ZDHHC15: variants seen among roughly 807,000 people sequenced by gnomAD.
ZDHHC15 encodes the protein zDHHC palmitoyltransferase 15, also known as palmitoyltransferase ZDHHC15.
ZDHHC15 carries 19 observed loss-of-function variants against 31.7 expected under a neutral mutation model. The observed-to-expected ratio is 0.60, with a 90% CI of 0.42 to 0.88. ZDHHC15 has a LOEUF of 0.88. ZDHHC15 is among the 40% of genes least tolerant of loss of function. The probability of loss-of-function intolerance (pLI) is 0.00; values close to 1 mark genes in which losing one functional copy is unlikely to be tolerated. For missense variants in ZDHHC15, 209 were observed against 251.2 expected (o/e 0.83, Z 1.14); for synonymous variants, 103 against 90.0 (o/e 1.14, Z -0.82).
chrX:75,420,664 T>C (rs5938064), intron 9 of ZDHHC15, among the ~76,000 whole-genome samples: 3,672 of 110,875 alleles, frequency 0.033, 70 homozygotes, highest in Middle Eastern at 0.098. Flanking sequence ...GGGACATGGA[T>C]GAAGCTAGAA....
chrX:75,444,414 A>C (rs2147893759), intron 4 of ZDHHC15, among the ~76,000 whole-genome samples: 1 of 93,079 alleles, frequency 1.1e-5, no homozygotes, highest in Non-Finnish European at 2.1e-5. Flanking sequence ...TGGGAATTGA[A>C]TAGTGAGAAC....
At chrX:75,413,473 C>A (rs892909783) in intron 10 of ZDHHC15, among the ~76,000 whole-genome samples, 2 of 111,162 alleles carry the variant, frequency 1.8e-5, no homozygotes, top group African/African-American at 6.5e-5. Flanking sequence ...TCAAGACCAG[C>A]TGGCCAGCAT....
chrX:75,389,244 C>A (rs1034017933), intron 10 of ZDHHC15, among the ~76,000 whole-genome samples: 2 of 111,601 alleles, frequency 1.8e-5, no homozygotes, highest in Admixed American at 9.5e-5. Flanking sequence ...CAAGCTGAGG[C>A]TCTGGGGTCC....
chrX:75,437,176 A>C (rs1001973531), intron 4 of ZDHHC15, among the ~76,000 whole-genome samples: 2 of 111,199 alleles, frequency 1.8e-5, no homozygotes, highest in African/African-American at 6.5e-5. Context: ...CCACCGCGCC[A>C]AGCCCCTGTA....
At chrX:75,417,921 C>G (rs2083566653) in intron 9 of ZDHHC15, among the ~76,000 whole-genome samples, 1 of 111,891 alleles carries the variant, frequency 8.9e-6, no homozygotes, top group African/African-American at 3.2e-5. Context: ...TTTGATGTTA[C>G]CTATGCCTTT....
At chrX:75,411,364 C>T (rs1368944061) in intron 10 of ZDHHC15, among the ~76,000 whole-genome samples, 1 of 111,039 alleles carries the variant, frequency 9.0e-6, no homozygotes, top group African/African-American at 3.3e-5. Flanking sequence ...AGGTGCCCAC[C>T]GCCACGCCCG....
At chrX:75,429,440 T>C (rs1256638041) in intron 6 of ZDHHC15, among the ~76,000 whole-genome samples, 1 of 111,740 alleles carries the variant, frequency 8.9e-6, no homozygotes, top group Non-Finnish European at 1.9e-5. Context: ...AGCTCTGGAC[T>C]GGTTCGTGAC....
chrX:75,481,417 T>A (rs922942117), intron 2 of ZDHHC15, among the ~76,000 whole-genome samples: 4 of 111,810 alleles, frequency 3.6e-5, no homozygotes, highest in Admixed American at 9.6e-5. Context: ...TGTGGGACTT[T>A]AACTTGTTCC....
chrX:75,462,088 T>C (rs1307197844), intron 3 of ZDHHC15, among the ~76,000 whole-genome samples: 2 of 111,861 alleles, frequency 1.8e-5, no homozygotes, highest in East Asian at 5.6e-4. Context: ...GAGGAAAATT[T>C]ATCAAACAAA....
intron 3 of ZDHHC15, among the ~76,000 whole-genome samples, chrX:75,451,741 G>T (rs2084121600): frequency 9.0e-6 from 1 of 111,239 alleles, no homozygotes; most frequent in Non-Finnish European, 1.9e-5. Context: ...TCATAATATT[G>T]GTGCAGAAGT....
intron 2 of ZDHHC15, among the ~76,000 whole-genome samples, chrX:75,495,374 G>A (rs1396735933): frequency 9.0e-6 from 1 of 111,462 alleles, no homozygotes; most frequent in East Asian, 2.8e-4. Flanking sequence ...TGAGTGTGGC[G>A]ATTCCTCAGG....
chrX:75,478,747 T>C (rs1369683471), intron 3 of ZDHHC15, 144 bp downstream of exon 3: 4 of 448,241 alleles, frequency 8.9e-6, no homozygotes, highest in African/African-American at 7.6e-5. Context: ...TATCCTACCC[T>C]CAATTCACCT....
At chrX:75,445,919 G>A (rs761478215) in intron 4 of ZDHHC15, among the ~76,000 whole-genome samples, 4 of 111,092 alleles carry the variant, frequency 3.6e-5, no homozygotes, top group African/African-American at 3.3e-5. Context: ...TCAACGCTGC[G>A]TTGCTTGAGG....
At chrX:75,386,198 A>G (rs1333488389) in intron 10 of ZDHHC15, among the ~76,000 whole-genome samples, 4 of 111,516 alleles carry the variant, frequency 3.6e-5, no homozygotes, top group Non-Finnish European at 7.5e-5. Context: ...AATATATAAA[A>G]CATTGAATAT....
intron 3 of ZDHHC15, among the ~76,000 whole-genome samples, chrX:75,471,547 A>G (rs753421041): frequency 7.1e-5 from 8 of 112,295 alleles, no homozygotes; most frequent in Non-Finnish European, 5.6e-5. Flanking sequence ...AAGTTGCTGC[A>G]TTTGGCCCCT....
chrX:75,389,608 C>T (rs897745346), intron 10 of ZDHHC15, among the ~76,000 whole-genome samples: 4 of 110,530 alleles, frequency 3.6e-5, no homozygotes, highest in African/African-American at 1.3e-4. Context: ...CACCCTGTGC[C>T]AGAAGGGAAC....
At chrX:75,479,082 T>C in intron 2 of ZDHHC15, 97 bp from the exon 3 acceptor site, 1 of 512,949 alleles carries the variant, frequency 1.9e-6, no homozygotes, top group African/African-American at 2.4e-5. Flanking sequence ...ATTGTTTTCT[T>C]ATTAACATGT....
chrX:75,384,832 G>C, intron 10 of ZDHHC15: 1 of 631,104 alleles, frequency 1.6e-6, no homozygotes, highest in Non-Finnish European at 2.7e-6. Context: ...GGCATAATAG[G>C]TGTTAAAAAA....
chrX:75,491,313 C>T (rs1394673396), intron 2 of ZDHHC15, among the ~76,000 whole-genome samples: 1 of 109,483 alleles, frequency 9.1e-6, no homozygotes, highest in Non-Finnish European at 1.9e-5. Context: ...ATGATGAGTT[C>T]ATGTCCTTTG....
Sources: allele counts gnomAD v4.1 joint callset (sites outside exome capture counted in the v4.1 genomes callset), GRCh38; gene constraint gnomAD v4.1.1; transcripts MANE v1.5; gene names NCBI Gene and HGNC (gene_info 2026-07-23, HGNC 2026-07-21).